The following TNS1 variants were observed in gnomAD, a reference collection of about 807,000 sequenced individuals.
TNS1 encodes tensin-1.
Under a neutral mutation model 168.6 loss-of-function variants are expected in TNS1, and 62 were observed. The observed-to-expected ratio is 0.37, with a 90% CI of 0.30 to 0.45. The LOEUF (loss-of-function observed/expected upper bound fraction) is 0.45. Among genes scored for constraint, TNS1 ranks in the 20% least tolerant of loss-of-function variants. TNS1 has a pLI of 1.00. For synonymous variants in TNS1, 934 were observed against 933.2 expected (o/e 1.00, Z -0.02); for missense variants, 2,240 against 2,339.4 (o/e 0.96, Z 0.88).
intron 19 of TNS1, among the ~76,000 whole-genome samples, chr2:217,845,538 T>A (rs1194136463): frequency 2.6e-5 from 4 of 152,206 alleles, no homozygotes. Flanking sequence ...GAGCCAAATA[T>A]AAGTGTCCCC....
intron 1 of TNS1, among the ~76,000 whole-genome samples, chr2:218,021,834 A>G (rs1232827170): frequency 6.6e-6 from 1 of 152,166 alleles, no homozygotes; most frequent in Non-Finnish European, 1.5e-5. Context: ...AGCGTGGTCT[A>G]TTTTTAGCCA....
At chr2:217,811,365 T>C (rs1049155714) in intron 28 of TNS1, among the ~76,000 whole-genome samples, 1 of 152,246 alleles carries the variant, frequency 6.6e-6, no homozygotes, top group Admixed American at 6.5e-5. Context: ...TTAATAGTGC[T>C]ATTTAAGTTG....
chr2:217,946,567 C>CT (rs1392256928), intron 3 of TNS1, among the ~76,000 whole-genome samples: 1 of 152,142 alleles, frequency 6.6e-6, no homozygotes. Context: ...ATTTTTGAAG[C>CT]TATATAATCG....
intron 1 of TNS1, chr2:218,009,965 G>GC (rs1958691070): frequency 2.5e-6 from 1 of 392,926 alleles, no homozygotes; most frequent in Non-Finnish European, 4.5e-6. Flanking sequence ...GCTGACGATG[G>GC]CCGAGACGGA....
chr2:218,022,573 C>T (rs1958814954), intron 1 of TNS1, among the ~76,000 whole-genome samples: 2 of 152,014 alleles, frequency 1.3e-5, no homozygotes, highest in African/African-American at 4.8e-5. Context: ...GTCCCTTTGT[C>T]CCCCTGCCTG....
At chr2:217,971,635 T>C (rs1957776008) in intron 3 of TNS1, among the ~76,000 whole-genome samples, 1 of 152,244 alleles carries the variant, frequency 6.6e-6, no homozygotes, top group Non-Finnish European at 1.5e-5. Context: ...TTGGATTTTA[T>C]AAGAAATGGC....
chr2:217,850,428 A>AC (rs1405370292), intron 18 of TNS1: 5 of 983,148 alleles, frequency 5.1e-6, no homozygotes, highest in Non-Finnish European at 6.0e-6. Flanking sequence ...AGCTCTGAGG[A>AC]CCCCCCTGAG....
At chr2:217,923,514 G>A (rs62182180) in intron 3 of TNS1, among the ~76,000 whole-genome samples, 3,737 of 152,236 alleles carry the variant, frequency 0.025, 72 homozygotes, top group Non-Finnish European at 0.038. Context: ...AGAGGCTAAT[G>A]AGTTGGCCAA....
Position 217,808,083 on chromosome 2 carries a change from G to T in TNS1, c.5367C>A (p.Ala1789=). The T allele has an allele frequency of 6.2e-7, 1 of 1,613,196 alleles. No homozygotes were observed. ...TAAGAAGTCACACTTACTTAGCAGG[G>T]GCACCACCCTCTGTTTTCATCCACC... The part of the protein sequence containing the change: ...ERKWMKTEGG[A]PAKLFGFVAR... The change falls in exon 32 of 33, where the codon GCC becomes GCA. Residue 1789 remains alanine, a synonymous_variant. Coordinates refer to ENST00000682258, the MANE Select transcript of TNS1 (RefSeq NM_001387777.1).
At chr2:217,877,076 C>T (rs548078327) in intron 18 of TNS1, among the ~76,000 whole-genome samples, 6 of 152,216 alleles carry the variant, frequency 3.9e-5, no homozygotes, top group Admixed American at 6.5e-5. Flanking sequence ...TCGTCCAGTC[C>T]GAGGGTCCTT....
intron 3 of TNS1, among the ~76,000 whole-genome samples, chr2:217,968,993 C>T (rs147660619): frequency 4.9e-4 from 75 of 152,296 alleles, no homozygotes; most frequent in African/African-American, 1.6e-3. Flanking sequence ...GTCACCACTC[C>T]CAGCCTCAAA....
chr2:217,872,049 G>A (rs1949819322), intron 18 of TNS1, among the ~76,000 whole-genome samples: 1 of 152,266 alleles, frequency 6.6e-6, no homozygotes, highest in Non-Finnish European at 1.5e-5. Flanking sequence ...TTATCCAGAA[G>A]ACTTCGTTGG....
rs575270958 is a variant in TNS1 at position 217,986,153 on chromosome 2, C to T, written c.148+4789G>A. Among the ~76,000 whole-genome samples, 3 of 152,292 alleles carry T rather than the reference C, an allele frequency of 2.0e-5. No homozygotes were observed. The South Asian group carries it at 6.2e-4, about 32-fold the overall frequency. The stretch of plus-strand genomic sequence containing the variant: ...TTAATAGCAAGCTAGGGCTAGAAAC[C>T]CAGGGTCTTCCCACCCTACCAGGCT... On this transcript the variant is annotated intron_variant, in intron 2 of 32. Transcript: ENST00000682258. This position sits in a 1 kb window ranked among gnomAD's most constrained non-coding sequence, Gnocchi z 4.7.
intron 3 of TNS1, among the ~76,000 whole-genome samples, chr2:217,925,829 T>G (rs1331747225): frequency 1.3e-5 from 2 of 152,164 alleles, no homozygotes; most frequent in Admixed American, 1.3e-4. Context: ...ACCTCTAATC[T>G]ACTCTCTTTC....
At chr2:218,031,019 T>A (rs1420835979) in intron 1 of TNS1, among the ~76,000 whole-genome samples, 1 of 144,974 alleles carries the variant, frequency 6.9e-6, no homozygotes, top group East Asian at 2.1e-4. Context: ...GGAGTGTATG[T>A]GTGTATGTGT....
At chr2:217,989,406 T>C (rs1958292422) in intron 2 of TNS1, among the ~76,000 whole-genome samples, 1 of 151,856 alleles carries the variant, frequency 6.6e-6, no homozygotes. Flanking sequence ...GACAGTGGAA[T>C]TGGGAGGGGA....
intron 3 of TNS1, among the ~76,000 whole-genome samples, chr2:217,974,235 A>C (rs1957837278): frequency 6.6e-6 from 1 of 152,222 alleles, no homozygotes; most frequent in Admixed American, 6.5e-5. Context: ...TGTACGTTTG[A>C]GTTTTGTATA....
At chr2:218,020,442 G>C (rs1239527596) in intron 1 of TNS1, among the ~76,000 whole-genome samples, 1 of 151,992 alleles carries the variant, frequency 6.6e-6, no homozygotes, top group African/African-American at 2.4e-5. Context: ...AATTCTGGGA[G>C]CCGGGGAGTG....
chr2:217,945,648 C>T (rs1957085809), intron 3 of TNS1, among the ~76,000 whole-genome samples: 2 of 152,154 alleles, frequency 1.3e-5, no homozygotes, highest in African/African-American at 4.8e-5. Flanking sequence ...TGGATGCTGT[C>T]CACAAATGGC....
Sources: gnomAD v4.1 joint callset for allele counts (sites outside exome capture counted in the v4.1 genomes callset) on GRCh38, gnomAD v4.1.1 for gene constraint, Gnocchi (gnomAD v3.1) non-coding constraint, MANE v1.5 for transcripts, NCBI Gene and HGNC (gene_info 2026-07-23, HGNC 2026-07-21) for gene names.